The following NEGR1 variants were observed in gnomAD, a reference collection of about 807,000 sequenced individuals.
NEGR1 encodes the protein IgLON family member 4.
Under a neutral mutation model 40.9 loss-of-function variants are expected in NEGR1, and 10 were observed. That is an observed-to-expected ratio of 0.24 (90% CI 0.15 to 0.42). The LOEUF (loss-of-function observed/expected upper bound fraction) is 0.42. NEGR1 is among the 10% of genes least tolerant of loss of function. NEGR1 has a pLI of 1.00. For missense variants in NEGR1, 352 were observed against 438.9 expected (o/e 0.80, Z 1.77); for synonymous variants, 185 against 166.8 (o/e 1.11, Z -0.84).
Position 72,258,565 on chromosome 1 carries a change from G to T in NEGR1, c.176+23754C>A, listed in dbSNP as rs539373066. Reference sequence around the variant, plus strand: ...TACATAAATAAGCTATTGACATTTAGAAAATAAAATTAGCTAGACACTGGA... The same window carrying T: ...TACATAAATAAGCTATTGACATTTATAAAATAAAATTAGCTAGACACTGGA... On this transcript the variant is annotated intron_variant, in intron 1 of 6. Transcript: ENST00000357731. Among the ~76,000 whole-genome samples the T allele has an allele frequency of 2.6e-5, 4 of 152,204 alleles. No individual in the cohort carries two copies. The South Asian group carries it at 6.2e-4, about 24-fold the overall frequency.
intron 3 of NEGR1, among the ~76,000 whole-genome samples, chr1:71,735,236 A>G (rs1485237708): frequency 6.6e-6 from 1 of 152,122 alleles, no homozygotes; most frequent in African/African-American, 2.4e-5. Context: ...CTTAAAATGG[A>G]ACTTCCTTTA....
At chr1:71,719,868 C>A (rs2995003) in intron 3 of NEGR1, among the ~76,000 whole-genome samples, 6,405 of 152,050 alleles carry the variant, frequency 0.042, 411 homozygotes, top group African/African-American at 0.15. Flanking sequence ...GTGAGATAAG[C>A]AGAAACATTA....
At chr1:72,151,649 A>G (rs1176709759) in intron 1 of NEGR1, among the ~76,000 whole-genome samples, 2 of 151,984 alleles carry the variant, frequency 1.3e-5, no homozygotes, top group East Asian at 3.9e-4. Flanking sequence ...AGAGAAGTCA[A>G]CGGGAAATAT....
Position 71,405,085 on chromosome 1 carries a change from C to G in NEGR1, c.*2361G>C, listed in dbSNP as rs1409601192. 6.6e-6 allele frequency: 1 copy of G among 152,020 alleles called. No individual in the cohort carries two copies. Among genetic ancestry groups the G allele is most frequent in the African/African-American group, 2.4e-5 (1 of 41,418 alleles). 9.4% of individuals were successfully genotyped at this position (152,020 alleles called of 1,614,324 possible). ...AAAATGTCACTCAAGAAAGTCTCTT[C>G]TAACATAAAGGCAAATACATATAGC... On this transcript the variant is annotated 3_prime_UTR_variant, in exon 7 of 7. Coordinates refer to ENST00000357731, the MANE Select transcript of NEGR1 (RefSeq NM_173808.3).
intron 6 of NEGR1, among the ~76,000 whole-genome samples, chr1:71,541,862 C>T (rs1001485918): frequency 2.0e-5 from 3 of 151,792 alleles, no homozygotes; most frequent in African/African-American, 7.2e-5. Context: ...GGCTTTCCTA[C>T]AGAAGAGCTG....
chr1:71,445,728 C>T (rs190243591), intron 6 of NEGR1, among the ~76,000 whole-genome samples: 12 of 152,330 alleles, frequency 7.9e-5, no homozygotes, highest in Admixed American at 2.6e-4. Flanking sequence ...CGTCTTCTTA[C>T]GTACCAGCAA....
intron 2 of NEGR1, among the ~76,000 whole-genome samples, chr1:71,921,549 A>G (rs1200297176): frequency 6.6e-6 from 1 of 151,728 alleles, no homozygotes; most frequent in East Asian, 1.9e-4. Flanking sequence ...AATACTAAAT[A>G]TATTTTCTCT....
intron 4 of NEGR1, among the ~76,000 whole-genome samples, chr1:71,667,159 A>C (rs1456391210): frequency 1.3e-5 from 2 of 152,180 alleles, no homozygotes; most frequent in Non-Finnish European, 2.9e-5. Context: ...GAATTTTAGC[A>C]AATGCAAAAA....
intron 6 of NEGR1, among the ~76,000 whole-genome samples, chr1:71,530,685 A>AT (rs1458040889): frequency 1.3e-5 from 2 of 151,296 alleles, no homozygotes; most frequent in African/African-American, 4.8e-5. Context: ...ATTTTAGACT[A>AT]TTTTTCACAC....
At chr1:72,201,237 G>A (rs1653192989) in intron 1 of NEGR1, among the ~76,000 whole-genome samples, 2 of 151,228 alleles carry the variant, frequency 1.3e-5, no homozygotes, top group Non-Finnish European at 1.5e-5. Context: ...TTATAGCTTT[G>A]AAATAAAGTA....
At chr1:71,534,415 C>T (rs1376181025) in intron 6 of NEGR1, among the ~76,000 whole-genome samples, 2 of 151,634 alleles carry the variant, frequency 1.3e-5, no homozygotes, top group East Asian at 2.0e-4. Flanking sequence ...TCTTTGGGCC[C>T]TTTTCTGACT....
chr1:71,544,912 T>C (rs1184221778), intron 6 of NEGR1, among the ~76,000 whole-genome samples: 1 of 151,732 alleles, frequency 6.6e-6, no homozygotes, highest in African/African-American at 2.4e-5. Context: ...ACCTAACCTC[T>C]TTCCAGGCTC....
intron 2 of NEGR1, among the ~76,000 whole-genome samples, chr1:71,791,204 A>G (rs550605170): frequency 6.6e-6 from 1 of 152,240 alleles, no homozygotes; most frequent in African/African-American, 2.4e-5. Flanking sequence ...GAATTTTGTG[A>G]GTTGAATTTT....
At chr1:72,022,503 A>T (rs1646769980) in intron 1 of NEGR1, among the ~76,000 whole-genome samples, 1 of 149,930 alleles carries the variant, frequency 6.7e-6, no homozygotes. Context: ...ACAGATAGAT[A>T]TAATACACAT....
intron 1 of NEGR1, among the ~76,000 whole-genome samples, chr1:72,238,720 G>C (rs1394988523): frequency 6.6e-6 from 1 of 151,786 alleles, no homozygotes; most frequent in East Asian, 1.9e-4. Flanking sequence ...ATTTCAACTG[G>C]AATAATCACT....
chr1:72,072,305 C>T (rs888888090), intron 1 of NEGR1, among the ~76,000 whole-genome samples: 2 of 152,042 alleles, frequency 1.3e-5, no homozygotes, highest in African/African-American at 4.8e-5. Flanking sequence ...ATGGTGAGTA[C>T]TGGAGATGTC....
In NEGR1 at chr1:71,512,615, C is replaced by T. The variant is rs530708446; in HGVS notation, c.940+80202G>A. Among the ~76,000 whole-genome samples, 14 of 148,972 alleles carry T rather than the reference C, an allele frequency of 9.4e-5. No homozygotes were observed. The East Asian group carries it at 2.0e-3, about 21-fold the overall frequency. ...TTTTTTTTTTTGAGAGTGAGTCTTG[C>T]TCTGTTGCCCAGGCTGGAGTGGAGC... is the stretch of plus-strand genomic sequence containing the variant. On this transcript the variant is annotated intron_variant, in intron 6 of 6. Coordinates refer to ENST00000357731, the MANE Select transcript of NEGR1 (RefSeq NM_173808.3).
chr1:71,694,318 T>C (rs1407264422), intron 4 of NEGR1, among the ~76,000 whole-genome samples: 2 of 151,596 alleles, frequency 1.3e-5, no homozygotes, highest in African/African-American at 2.4e-5. Context: ...CTTTTCATTA[T>C]TTTAATTTTT....
At chr1:71,778,963 G>A (rs1656606993) in intron 2 of NEGR1, among the ~76,000 whole-genome samples, 3 of 152,082 alleles carry the variant, frequency 2.0e-5, no homozygotes, top group South Asian at 4.1e-4. Flanking sequence ...TGTGTAGTGT[G>A]GGGAGAGTGG....
Sources: allele counts gnomAD v4.1 joint callset (sites outside exome capture counted in the v4.1 genomes callset), GRCh38; gene constraint gnomAD v4.1.1; transcripts MANE v1.5; gene names NCBI Gene and HGNC (gene_info 2026-07-23, HGNC 2026-07-21).